Variants in DMD observed in about 807,000 individuals in gnomAD.
The protein encoded by DMD is dystrophin.
DMD carries 63 observed loss-of-function variants against 330.1 expected under a neutral mutation model. The ratio of observed to expected loss-of-function variants is 0.19; its 90% CI spans 0.16 to 0.24. DMD has a LOEUF of 0.24. DMD is among the 10% of genes least tolerant of loss of function. The pLI is 1.00. For missense variants in DMD, 3,344 were observed against 2,684.1 expected, an observed-to-expected ratio of 1.25 and a Z score of -5.43; for synonymous variants, 1,223 against 959.8, an observed-to-expected ratio of 1.27 and a Z score of -5.07.
intron 74 of DMD, among the ~76,000 whole-genome samples, chrX:31,157,799 CT>C (rs5901974): frequency 0.053 from 5,265 of 99,287 alleles, 244 homozygotes; most frequent in African/African-American, 0.13. Context: ...ACTATAGAAT[CT>C]TTTTTTTTTT....
At chrX:32,774,883 A>G (rs2073986512) in intron 7 of DMD, among the ~76,000 whole-genome samples, 1 of 111,919 alleles carries the variant, frequency 8.9e-6, no homozygotes, top group Non-Finnish European at 1.9e-5. Flanking sequence ...ATTAAGTCAA[A>G]ATTCCAAGTC....
At chrX:31,647,896 T>C (rs1481730275) in intron 54 of DMD, among the ~76,000 whole-genome samples, 1 of 112,278 alleles carries the variant, frequency 8.9e-6, no homozygotes, top group Non-Finnish European at 1.9e-5. Context: ...GAATGGGGAA[T>C]TGATTTCCTA....
chrX:32,566,308 C>A (rs2051707386), intron 15 of DMD, among the ~76,000 whole-genome samples: 1 of 111,878 alleles, frequency 8.9e-6, no homozygotes, highest in Non-Finnish European at 1.9e-5. Context: ...TGAAGAAAAG[C>A]TAGTGAGCTG....
chrX:31,525,862 C>T (rs890550737), intron 55 of DMD, among the ~76,000 whole-genome samples: 1 of 112,446 alleles, frequency 8.9e-6, no homozygotes, highest in African/African-American at 3.2e-5. Context: ...AATAACCTTC[C>T]TTAAACCTTG....
chrX:32,939,754 C>A (rs965089926), intron 2 of DMD, among the ~76,000 whole-genome samples: 1 of 110,962 alleles, frequency 9.0e-6, no homozygotes, highest in African/African-American at 3.3e-5. Flanking sequence ...TTTCTACATA[C>A]CAGTAATTTT....
intron 48 of DMD, among the ~76,000 whole-genome samples, chrX:31,866,176 C>T (rs372528515): frequency 1.8e-5 from 2 of 111,470 alleles, no homozygotes; most frequent in South Asian, 7.7e-4. Flanking sequence ...AATCCTTCAG[C>T]ATATTCCTCT....
At chrX:31,776,725 C>G (rs1603464527) in intron 50 of DMD, among the ~76,000 whole-genome samples, 1 of 110,591 alleles carries the variant, frequency 9.0e-6, no homozygotes, top group East Asian at 2.9e-4. Context: ...AGGAAGGAAT[C>G]TATTGGAAGT....
rs967197082 is a variant in DMD at position 32,410,468 on chromosome X, C to T, written c.4233+1284G>A. ...TTGTGTATACTGTTGCCCAGAACAC[C>T]TATTAACGGTGATTCATTAACTGTA... On this transcript the variant is annotated intron_variant, in intron 30 of 78. Coordinates refer to ENST00000357033, the MANE Select transcript of DMD (RefSeq NM_004006.3). 4.2e-4 allele frequency among the ~76,000 whole-genome samples: 47 copies of T among 111,946 alleles called. 1 individual carries two copies. The highest frequency in any genetic ancestry group is 1.5e-3 in the African/African-American group (45 of 30,836).
At chrX:31,190,599 G>C (rs1453528259) in intron 67 of DMD, among the ~76,000 whole-genome samples, 1 of 19,137 alleles carries the variant, frequency 5.2e-5, no homozygotes, top group Non-Finnish European at 9.9e-5. Flanking sequence ...GCGGGGGGGG[G>C]GGGGGGGGGG....
At chrX:32,329,379 G>GAAAT (rs1487011931) in intron 41 of DMD, among the ~76,000 whole-genome samples, 4 of 111,705 alleles carry the variant, frequency 3.6e-5, no homozygotes, top group Non-Finnish European at 7.5e-5. Context: ...GAAATATCCA[G>GAAAT]AAATAGAGGC....
intron 61 of DMD, among the ~76,000 whole-genome samples, chrX:31,337,018 G>T (rs1367323479): frequency 9.3e-6 from 1 of 107,757 alleles, no homozygotes; most frequent in Non-Finnish European, 1.9e-5. Context: ...CCGTCTCCTG[G>T]GTTCAAGCGA....
At position 31,875,235 on chromosome X, in the gene DMD, A is replaced by G. The variant is rs367747168; in HGVS notation, c.7051T>C (p.Leu2351=). 80 of 1,205,021 alleles carry G rather than the reference A, an allele frequency of 6.6e-5. No homozygotes were observed. Among genetic ancestry groups the G allele is most frequent in the Non-Finnish European group, 8.5e-5 (76 of 892,924 alleles). Residue 2351 remains leucine, a synonymous_variant, in exon 48 of 79, where the codon TTG becomes CTG. Transcript: ENST00000357033. The part of the protein sequence containing the change: ...LLWLSPIRNQ[L]EIYNQPNQEG... ...TGGTTTGGTTGGTTATAAATTTCCA[A>G]CTGATTCCTAATAGGAGATAACCAC...
intron 2 of DMD, among the ~76,000 whole-genome samples, chrX:32,964,255 CAA>C (rs781702491): frequency 3.7e-4 from 13 of 35,167 alleles, no homozygotes; most frequent in Middle Eastern, 0.02. Context: ...GACTCCATCT[CAA>C]AAAAAAAAAA....
chrX:32,979,624 AAAG>A (rs1324214766), intron 2 of DMD, among the ~76,000 whole-genome samples: 1 of 112,088 alleles, frequency 8.9e-6, no homozygotes, highest in African/African-American at 3.2e-5. Flanking sequence ...TAAAGAAAAC[AAAG>A]AAGAGTCAAT....
intron 2 of DMD, among the ~76,000 whole-genome samples, chrX:32,985,540 A>G (rs2092821711): frequency 8.9e-6 from 1 of 111,902 alleles, no homozygotes; most frequent in South Asian, 3.7e-4. Flanking sequence ...AAAAAATCAT[A>G]TTTAGAATCC....
At chrX:33,113,212 C>G (rs1311560058) in intron 1 of DMD, among the ~76,000 whole-genome samples, 1 of 107,558 alleles carries the variant, frequency 9.3e-6, no homozygotes, top group African/African-American at 3.4e-5. Flanking sequence ...CGCCACCATG[C>G]CTGGCTAATT....
intron 77 of DMD, among the ~76,000 whole-genome samples, chrX:31,132,000 T>C (rs2034576838): frequency 8.9e-6 from 1 of 111,836 alleles, no homozygotes; most frequent in Non-Finnish European, 1.9e-5. Flanking sequence ...TATTTAATTG[T>C]TTTGTTTTTT....
In DMD at chrX:32,371,325, T is replaced by G. The variant is rs987881310; in HGVS notation, c.4846-6126A>C. ...CCTTCAGTTAAATTTATTAATACCATTTGTGTGCGTGTGTGTTTGTGTGTG... is the reference window on the plus strand; with the variant it reads ...CCTTCAGTTAAATTTATTAATACCAGTTGTGTGCGTGTGTGTTTGTGTGTG... On this transcript the variant is annotated intron_variant, in intron 34 of 78. Coordinates refer to ENST00000357033, the MANE Select transcript of DMD (RefSeq NM_004006.3). Among the ~76,000 whole-genome samples, 3 of 111,130 alleles carry G rather than the reference T, an allele frequency of 2.7e-5. No homozygotes were observed. In the East Asian group the frequency reaches 8.5e-4, roughly 31 times the overall value.
intron 1 of DMD, among the ~76,000 whole-genome samples, chrX:33,312,281 C>T (rs971716462): frequency 6.3e-5 from 7 of 110,653 alleles, no homozygotes; most frequent in African/African-American, 2.3e-4. Flanking sequence ...GTGAAACCTA[C>T]GTATATAGAG....
Sources: gnomAD v4.1 joint callset for allele counts (sites outside exome capture counted in the v4.1 genomes callset) on GRCh38, gnomAD v4.1.1 for gene constraint, MANE v1.5 for transcripts, NCBI Gene and HGNC (gene_info 2026-07-23, HGNC 2026-07-21) for gene names.